The following CDH13 variants were observed in gnomAD, a reference collection of about 807,000 sequenced individuals.
CDH13 encodes cadherin-13.
Under a neutral mutation model 63.8 loss-of-function variants are expected in CDH13, and 24 were observed. The ratio of observed to expected loss-of-function variants is 0.38; its 90% confidence interval spans 0.27 to 0.53. The LOEUF is 0.53. CDH13 is among the 20% of genes least tolerant of loss of function. CDH13 has a pLI of 0.85. For missense variants in CDH13, 1,049 were observed against 903.1 expected (o/e 1.16, Z -2.07); for synonymous variants, 503 against 355.3 (o/e 1.42, Z -4.67).
At chr16:83,667,927 A>G (rs557506183) in intron 8 of CDH13, among the ~76,000 whole-genome samples, 1 of 152,184 alleles carries the variant, frequency 6.6e-6, no homozygotes, top group African/African-American at 2.4e-5. Flanking sequence ...CCTCCCAAAG[A>G]GCTAGGATTA....
chr16:82,978,133 A>G (rs1909776656), intron 2 of CDH13, among the ~76,000 whole-genome samples: 1 of 152,214 alleles, frequency 6.6e-6, no homozygotes, highest in Admixed American at 6.5e-5. Context: ...ATAAATCTCC[A>G]AGCAGCAGAG....
intron 10 of CDH13, among the ~76,000 whole-genome samples, chr16:83,743,557 T>C (rs1044230417): frequency 1.5e-4 from 23 of 152,174 alleles, no homozygotes; most frequent in African/African-American, 4.3e-4. Context: ...AGAGCATTGC[T>C]TGTACGCCAA....
At chr16:82,847,007 C>T (rs2039286938) in intron 1 of CDH13, among the ~76,000 whole-genome samples, 1 of 152,216 alleles carries the variant, frequency 6.6e-6, no homozygotes, top group African/African-American at 2.4e-5. Context: ...CTTGTCAAAG[C>T]ATTCCAAAGC....
rs764994366 is a variant in CDH13 at position 82,644,769 on chromosome 16, G to A, written c.45+17632G>A. Reference sequence around the variant, plus strand: ...CCTCTGATTCTTAAAGCCTTTCCAGGTAGCAACAGGAGATCACGCAAAGCC... The same window carrying A: ...CCTCTGATTCTTAAAGCCTTTCCAGATAGCAACAGGAGATCACGCAAAGCC... On this transcript the variant is annotated intron_variant, in intron 1 of 13. Coordinates refer to ENST00000567109, the MANE Select transcript of CDH13 (RefSeq NM_001257.5). This position sits in a 1 kb window ranked among gnomAD's most constrained non-coding sequence, Gnocchi z 5.7. 1.6e-4 allele frequency among the ~76,000 whole-genome samples: 24 copies of A among 152,238 alleles called. No individual in the cohort carries two copies. Among genetic ancestry groups the A allele is most frequent in the Admixed American group, 8.5e-4 (13 of 15,288 alleles).
In CDH13 at chr16:82,751,589, G is replaced by T. The variant is rs536228395; in HGVS notation, c.46-106773G>T. Among the ~76,000 whole-genome samples the T allele has an allele frequency of 9.2e-5, 14 of 152,102 alleles. No individual in the cohort carries two copies. In the South Asian group the frequency reaches 2.9e-3, roughly 32 times the overall value. On this transcript the variant is annotated intron_variant, in intron 1 of 13. Transcript: ENST00000567109. ...GCAGAATTATAGGACAGAGCCCCAG[G>T]TTCCTGGAAAGGTCAGACTTATCCT... is the stretch of plus-strand genomic sequence containing the variant.
chr16:83,754,909 A>G (rs896367111), intron 11 of CDH13, among the ~76,000 whole-genome samples: 3 of 152,190 alleles, frequency 2.0e-5, no homozygotes, highest in African/African-American at 7.2e-5. Context: ...ACCATATGTC[A>G]TCTGGAGCCT....
intron 5 of CDH13, among the ~76,000 whole-genome samples, chr16:83,298,029 G>A (rs1204847155): frequency 7.0e-6 from 1 of 143,368 alleles, no homozygotes; most frequent in Non-Finnish European, 1.5e-5. Context: ...TAGGTAACAT[G>A]GCAAAACCTT....
At chr16:82,757,630 G>A (rs933893597) in intron 1 of CDH13, among the ~76,000 whole-genome samples, 10 of 95,598 alleles carry the variant, frequency 1.0e-4, no homozygotes, top group East Asian at 3.0e-4. Flanking sequence ...TGGTAATAAC[G>A]CCATAGCTTT....
intron 3 of CDH13, among the ~76,000 whole-genome samples, chr16:83,091,436 A>G (rs2033904824): frequency 6.6e-6 from 1 of 152,228 alleles, no homozygotes. Context: ...TGAAAATCAC[A>G]AAGGATGACT....
At chr16:82,649,744 A>G (rs1910507250) in intron 1 of CDH13, among the ~76,000 whole-genome samples, 1 of 152,136 alleles carries the variant, frequency 6.6e-6, no homozygotes, top group South Asian at 2.1e-4. Flanking sequence ...ATGGAAAGGA[A>G]AGAAATTACT....
chr16:83,283,639 A>G (rs1337315671), intron 5 of CDH13, among the ~76,000 whole-genome samples: 2 of 152,164 alleles, frequency 1.3e-5, no homozygotes, highest in Non-Finnish European at 2.9e-5. Context: ...CAGGGGCAAT[A>G]TCTACCTGAA....
At chr16:83,791,986 G>T (rs1008940034) in intron 13 of CDH13, among the ~76,000 whole-genome samples, 3 of 152,224 alleles carry the variant, frequency 2.0e-5, no homozygotes, top group Admixed American at 6.5e-5. Context: ...TCAAAATACA[G>T]TTTCCTTTGC....
At chr16:83,149,700 C>T (rs10514588) in intron 4 of CDH13, among the ~76,000 whole-genome samples, 11,727 of 152,208 alleles carry the variant, frequency 0.077, 641 homozygotes, top group East Asian at 0.18. Flanking sequence ...TTCTCAAAAG[C>T]TCTTCATGAC....
At chr16:83,242,966 A>G (rs570936359) in intron 5 of CDH13, among the ~76,000 whole-genome samples, 3 of 152,200 alleles carry the variant, frequency 2.0e-5, no homozygotes, top group African/African-American at 7.2e-5. Flanking sequence ...CTTACTCTTT[A>G]TAAGAACTCG....
At chr16:82,837,801 G>C (rs1004926054) in intron 1 of CDH13, among the ~76,000 whole-genome samples, 1 of 152,176 alleles carries the variant, frequency 6.6e-6, no homozygotes, top group African/African-American at 2.4e-5. Flanking sequence ...AGAAAAGCAA[G>C]AGTTCAGCAT....
intron 1 of CDH13, among the ~76,000 whole-genome samples, chr16:82,733,899 C>T (rs566477151): frequency 1.1e-4 from 16 of 152,364 alleles, no homozygotes; most frequent in African/African-American, 3.6e-4. Context: ...GAACCAGTGA[C>T]TTTGCTTAGG....
At chr16:83,590,876 G>T (rs976735216) in intron 7 of CDH13, among the ~76,000 whole-genome samples, 2 of 141,310 alleles carry the variant, frequency 1.4e-5, no homozygotes, top group African/African-American at 2.6e-5. Context: ...CTGTCAATCT[G>T]TGTTTTAGTA....
chr16:83,557,361 A>T (rs1423161188), intron 7 of CDH13, among the ~76,000 whole-genome samples: 1 of 152,204 alleles, frequency 6.6e-6, no homozygotes, highest in Admixed American at 6.5e-5. Flanking sequence ...AATAAATGTA[A>T]TGGGCTTGAC....
chr16:83,010,740 A>C (rs1449544503), intron 2 of CDH13, among the ~76,000 whole-genome samples: 4 of 152,198 alleles, frequency 2.6e-5, no homozygotes, highest in Admixed American at 2.6e-4. Context: ...CTAAAAAAGG[A>C]ATCAGTGGTG....
Sources: gnomAD v4.1 joint callset for allele counts (sites outside exome capture counted in the v4.1 genomes callset) on GRCh38, gnomAD v4.1.1 for gene constraint, Gnocchi (gnomAD v3.1) non-coding constraint, MANE v1.5 for transcripts, NCBI Gene and HGNC (gene_info 2026-07-23, HGNC 2026-07-21) for gene names.